The following DOC2A variants were observed in gnomAD, a reference collection of about 807,000 sequenced individuals.
DOC2A encodes the protein double C2-like domain-containing protein alpha.
A neutral mutation model predicts 40.6 loss-of-function variants in DOC2A; 28 were observed. That is an observed-to-expected ratio of 0.69 (90% CI 0.51 to 0.95). The LOEUF (loss-of-function observed/expected upper bound fraction) is 0.95. Among genes scored for constraint, DOC2A ranks in the 40% least tolerant of loss-of-function variants. The pLI is 0.00. For synonymous variants in DOC2A, 241 were observed against 236.9 expected (o/e 1.02, Z -0.16); for missense variants, 474 against 552.5 (o/e 0.86, Z 1.42).
chr16:30,006,411 AC>A lies in DOC2A; in HGVS notation c.1057+1del. On this transcript the variant is annotated splice_donor_variant, in intron 10 of 10. Coordinates refer to ENST00000350119, the MANE Select transcript of DOC2A (RefSeq NM_003586.3). LOFTEE classifies it high-confidence loss of function. This position sits in a 1 kb window ranked among gnomAD's most constrained non-coding sequence, Gnocchi z 6.2. ...AACACCCGCAGCCAGCTCCTCCCTC[AC>A]CAATGAAGTCATTGGATTTGCCAAT... The A allele has an allele frequency of 6.2e-7, 1 of 1,612,640 alleles. No individual in the cohort carries two copies. The highest frequency in any genetic ancestry group is 8.5e-7 in the Non-Finnish European group (1 of 1,179,684).
At position 30,010,467 on chromosome 16, in the gene DOC2A, C is replaced by G; in HGVS notation, c.-13-232G>C. The G allele has an allele frequency of 1.6e-6, 1 of 614,358 alleles. No individual in the cohort carries two copies. The highest frequency in any genetic ancestry group is 2.9e-6 in the Non-Finnish European group (1 of 343,066). The allele number at this position is 614,358 out of a possible 1,614,324, so 38.1% of individuals were successfully genotyped here. On this transcript the variant is annotated intron_variant, in intron 1 of 10. Coordinates refer to ENST00000350119, the MANE Select transcript of DOC2A (RefSeq NM_003586.3). The surrounding 1 kb of genome is among the most constrained non-coding windows in gnomAD (Gnocchi z 4.2). Reference sequence around the variant, plus strand: ...CCACTCCTTGCAGAAGTCGAGGTTGCACCACCCCGTCCTCACCCACCCACT... The same window carrying G: ...CCACTCCTTGCAGAAGTCGAGGTTGGACCACCCCGTCCTCACCCACCCACT...
At chr16:30,023,182 G>A (rs1484738515), upstream of DOC2A, 2 of 590,902 alleles carry the variant, frequency 3.4e-6, no homozygotes, top group Non-Finnish European at 6.0e-6. Flanking sequence ...TCCAGGGGGT[G>A]AAGACTGGTC....
chr16:30,023,196 A>T, upstream of DOC2A: 2 of 664,770 alleles, frequency 3.0e-6, no homozygotes, highest in South Asian at 1.8e-5. Context: ...ACTGGTCCCA[A>T]CCTCTCTTCT....
intron 5 of DOC2A, chr16:30,008,337 C>T (rs1008653314): frequency 1.3e-5 from 2 of 156,950 alleles, no homozygotes; most frequent in Admixed American, 6.1e-5. Flanking sequence ...GAAGGGGTCT[C>T]GGCAACCCAG....
rs1228328124 is a variant in DOC2A, at chr16:30,009,792, C to T, written c.262+169G>A. ...TACTGAATATTGAGCCTTGCTGAAG[C>T]TGTAATCTCCACGCTGACTGCAGCT... On this transcript the variant is annotated intron_variant, in intron 2 of 10. Coordinates refer to ENST00000350119, the MANE Select transcript of DOC2A (RefSeq NM_003586.3). This position sits in a 1 kb window ranked among gnomAD's most constrained non-coding sequence, Gnocchi z 4.1. Among the ~76,000 whole-genome samples, 1 of 152,116 alleles carries T rather than the reference C, an allele frequency of 6.6e-6. No homozygotes were observed. Among genetic ancestry groups the T allele is most frequent in the African/African-American group, 2.4e-5 (1 of 41,404 alleles).
chr16:30,020,722 T>C (rs1051588529), intron 1 of DOC2A, among the ~76,000 whole-genome samples: 2 of 152,062 alleles, frequency 1.3e-5, no homozygotes, highest in African/African-American at 2.4e-5. Flanking sequence ...TGGCATATGC[T>C]TTTGATCCTG....
chr16:30,014,755 T>A (rs1249676558), upstream of DOC2A, among the ~76,000 whole-genome samples: 1 of 151,750 alleles, frequency 6.6e-6, no homozygotes, highest in Middle Eastern at 3.4e-3. Flanking sequence ...CTAGCCAACA[T>A]GCTGAAACGC....
chr16:30,010,734 C>T lies in DOC2A; in HGVS notation c.-14+169G>A, dbSNP rs1251794328. ...TGTCTGCCTGCCTGGTTCCCCCGCT[C>T]GCTCACCACAGCCCACGGTGGAGAC... On this transcript the variant is annotated intron_variant, in intron 1 of 10. Coordinates refer to ENST00000350119, the MANE Select transcript of DOC2A (RefSeq NM_003586.3). The surrounding 1 kb of genome is among the most constrained non-coding windows in gnomAD (Gnocchi z 4.2). 1.3e-5 allele frequency among the ~76,000 whole-genome samples: 2 copies of T among 152,180 alleles called. No individual in the cohort carries two copies. Among genetic ancestry groups the T allele is most frequent in the African/African-American group, 2.4e-5 (1 of 41,456 alleles).
chr16:30,012,431 T>C (rs959031111), upstream of DOC2A: 3 of 152,160 alleles, frequency 2.0e-5, no homozygotes, highest in Admixed American at 2.0e-4. Flanking sequence ...CTCTAAGTGC[T>C]GTTATTTAAA....
rs747106396 is a variant in DOC2A at position 30,006,594 on chromosome 16, A to G, written c.960+2T>C. The G allele has an allele frequency of 2.5e-6, 4 of 1,612,872 alleles. No individual in the cohort carries two copies. The African/African-American group carries it at 4.0e-5, about 16-fold the overall frequency. On this transcript the variant is annotated splice_donor_variant, in intron 9 of 10. Coordinates refer to ENST00000350119, the MANE Select transcript of DOC2A (RefSeq NM_003586.3). LOFTEE classifies it high-confidence loss of function. This position sits in a 1 kb window ranked among gnomAD's most constrained non-coding sequence, Gnocchi z 6.2. The stretch of plus-strand genomic sequence containing the variant: ...CTCCATGTCCCGTCCCCTCCTGGGT[A>G]CCTCGTTAAATTCTGGGTTGAGAGT...
Position 30,009,689 on chromosome 16 carries a change from G to T in DOC2A, c.263-132C>A. 1.1e-6 allele frequency: 1 copy of T among 932,784 alleles called. No individual in the cohort carries two copies. The highest frequency in any genetic ancestry group is 1.7e-6 in the Non-Finnish European group (1 of 595,524). The allele number at this position is 932,784 out of a possible 1,614,324, so 57.8% of individuals were successfully genotyped here. On this transcript the variant is annotated intron_variant, in intron 2 of 10. Transcript: ENST00000350119. This position sits in a 1 kb window ranked among gnomAD's most constrained non-coding sequence, Gnocchi z 4.1. The stretch of plus-strand genomic sequence containing the variant: ...AGTGTGAGTGCAAGAGGCTGAGTGG[G>T]CCCATGCGTGTGTGCGTCTGGGTCC...
chr16:30,006,672 A>G lies in DOC2A; in HGVS notation c.884T>C (p.Leu295Pro). ...GYSDPYVKTY[L>P]RPDVDKKSKH... ...GGATTTCTTGTCCACATCGGGCCTC[A>G]GGTACCTGGGGGTGGGGTGGAGGGA... The change falls in exon 9 of 11, where the codon CTG becomes CCG. Residue 295 changes from leucine (L) to proline (P), a missense_variant. By Grantham distance (98) the Leu-to-Pro change is moderately conservative (BLOSUM62 -3). Coordinates refer to ENST00000350119, the MANE Select transcript of DOC2A (RefSeq NM_003586.3). This position sits in a 1 kb window ranked among gnomAD's most constrained non-coding sequence, Gnocchi z 6.2. The G allele has an allele frequency of 1.2e-6, 2 of 1,613,506 alleles. No homozygotes were observed. The highest frequency in any genetic ancestry group is 1.7e-6 in the Non-Finnish European group (2 of 1,179,924).
chr16:30,014,172 CT>C (rs772684029), upstream of DOC2A, among the ~76,000 whole-genome samples: 102 of 131,810 alleles, frequency 7.7e-4, no homozygotes, highest in Middle Eastern at 3.9e-3. Flanking sequence ...TTAGAATCAT[CT>C]TTTTTTTTTT....
chr16:30,006,296 C>T lies in DOC2A; in HGVS notation c.1093G>A (p.Ala365Thr). 1 of 1,610,742 alleles carries T rather than the reference C, an allele frequency of 6.2e-7. No homozygotes were observed. The highest frequency in any genetic ancestry group is 1.7e-4 in the Middle Eastern group (1 of 5,992). The part of the protein sequence containing the change: ...VSLGPGARGE[A>T]RKHWSDCLQQ... ...AGGCAGTCACTCCAGTGCTTCCGAG[C>T]CTCGCCTCGGGCACCTGGCCCCAGG... Residue 365 changes from alanine to threonine, a missense_variant, in exon 11 of 11, where the codon GCT becomes ACT. Ala to Thr is a moderately conservative substitution (Grantham distance 58). Transcript: ENST00000350119. The surrounding 1 kb of genome is among the most constrained non-coding windows in gnomAD (Gnocchi z 6.2).
upstream of DOC2A, among the ~76,000 whole-genome samples, chr16:30,016,038 TATATATATATATATA>T (rs1285656050): frequency 3.9e-4 from 13 of 33,588 alleles, no homozygotes; most frequent in African/African-American, 1.4e-3. Context: ...TATATATATA[TATATATATATATATA>T]TATTTTTTTT....
At chr16:30,015,094 C>A (rs2070842102), upstream of DOC2A, 1 of 151,862 alleles carries the variant, frequency 6.6e-6, no homozygotes, top group Non-Finnish European at 1.5e-5. Context: ...TGTCTCTTGA[C>A]AAGCTGAGAG....
intron 1 of DOC2A, among the ~76,000 whole-genome samples, chr16:30,018,252 C>T (rs955797965): frequency 2.0e-5 from 3 of 150,578 alleles, no homozygotes; most frequent in Non-Finnish European, 3.0e-5. Flanking sequence ...TGCACTCCAG[C>T]CTGGGCAACA....
chr16:30,018,291 AAAAG>A (rs1049327749), intron 1 of DOC2A, among the ~76,000 whole-genome samples: 6 of 151,604 alleles, frequency 4.0e-5, no homozygotes, highest in African/African-American at 7.3e-5. Context: ...AAAAAAAAAA[AAAAG>A]AAAGAAAGAA....
chr16:30,009,312 C>A lies in DOC2A; in HGVS notation c.343-36G>T. 1 of 1,538,050 alleles carries A rather than the reference C, an allele frequency of 6.5e-7. No homozygotes were observed. Among genetic ancestry groups the A allele is most frequent in the Non-Finnish European group, 8.8e-7 (1 of 1,135,540 alleles). ...GGGCAGGGGAGAGGGCTAGAGGCTC[C>A]CGGCACCTCTCTCCATCCCTCTTGT... On this transcript the variant is annotated intron_variant, in intron 3 of 10. Coordinates refer to ENST00000350119, the MANE Select transcript of DOC2A (RefSeq NM_003586.3). This position sits in a 1 kb window ranked among gnomAD's most constrained non-coding sequence, Gnocchi z 4.1.
Sources: gnomAD v4.1 joint callset for allele counts (sites outside exome capture counted in the v4.1 genomes callset) on GRCh38, gnomAD v4.1.1 for gene constraint, Gnocchi (gnomAD v3.1) non-coding constraint, MANE v1.5 for transcripts, NCBI Gene and HGNC (gene_info 2026-07-23, HGNC 2026-07-21) for gene names.